Variants in MED13L observed in about 807,000 individuals in gnomAD.
The protein encoded by MED13L is mediator of RNA polymerase II transcription subunit 13-like.
Under a neutral mutation model 220.9 loss-of-function variants are expected in MED13L, and 7 were observed. The ratio of observed to expected loss-of-function variants is 0.03; its 90% CI spans 0.02 to 0.06. The LOEUF (loss-of-function observed/expected upper bound fraction) is 0.06, where lower values mean the gene tolerates loss of function less well. MED13L is among the 10% of genes least tolerant of loss of function. The probability of loss-of-function intolerance (pLI) is 1.00; values close to 1 mark genes in which losing one functional copy is unlikely to be tolerated. For synonymous variants in MED13L, 1,011 were observed against 1,015.2 expected (o/e 1.00, Z 0.08); for missense variants, 1,965 against 2,760.5 (o/e 0.71, Z 6.46).
chr12:115,994,278 T>G (rs1436781196), intron 16 of MED13L, among the ~76,000 whole-genome samples: 1 of 152,018 alleles, frequency 6.6e-6, no homozygotes, highest in Non-Finnish European at 1.5e-5. Context: ...AGACACAAAC[T>G]CTACAACAAA....
chr12:116,146,144 G>A (rs1378331486), intron 2 of MED13L, among the ~76,000 whole-genome samples: 1 of 152,062 alleles, frequency 6.6e-6, no homozygotes, highest in Non-Finnish European at 1.5e-5. Context: ...GTTTTTTTGA[G>A]ATGGAGTCTC....
At chr12:116,112,102 T>C (rs1874138830) in intron 2 of MED13L, among the ~76,000 whole-genome samples, 1 of 152,164 alleles carries the variant, frequency 6.6e-6, no homozygotes, top group South Asian at 2.1e-4. Context: ...AAGTATCTTG[T>C]TTGCCTCTGA....
chr12:116,115,357 G>C (rs560344231), intron 2 of MED13L, among the ~76,000 whole-genome samples: 10 of 152,038 alleles, frequency 6.6e-5, no homozygotes, highest in Non-Finnish European at 8.8e-5. Context: ...CTCAAAATGA[G>C]ATCACAGACC....
intron 2 of MED13L, among the ~76,000 whole-genome samples, chr12:116,179,309 T>C (rs1047346030): frequency 2.0e-5 from 3 of 152,078 alleles, no homozygotes; most frequent in African/African-American, 7.2e-5. Flanking sequence ...CCTTAATTTA[T>C]GTTACAATAT....
intron 2 of MED13L, among the ~76,000 whole-genome samples, chr12:116,158,093 A>G (rs1246968889): frequency 6.6e-6 from 1 of 152,084 alleles, no homozygotes; most frequent in African/African-American, 2.4e-5. Context: ...GCAAGCTGCA[A>G]GGATCCAGAA....
chr12:116,169,638 T>C (rs968062480), intron 2 of MED13L, among the ~76,000 whole-genome samples: 3 of 152,236 alleles, frequency 2.0e-5, no homozygotes, highest in African/African-American at 4.8e-5. Context: ...TTTCAGTTAA[T>C]TGCAGATACC....
At chr12:116,125,237 G>A (rs1360547431) in intron 2 of MED13L, among the ~76,000 whole-genome samples, 1 of 152,228 alleles carries the variant, frequency 6.6e-6, no homozygotes, top group Non-Finnish European at 1.5e-5. Context: ...TCAGGCTGCT[G>A]AGGTGGGAGG....
chr12:116,042,395 T>C (rs1262685550), intron 4 of MED13L, among the ~76,000 whole-genome samples: 1 of 152,242 alleles, frequency 6.6e-6, no homozygotes, highest in East Asian at 1.9e-4. Flanking sequence ...TTCTGTATCT[T>C]GATTCTCAGA....
intron 2 of MED13L, among the ~76,000 whole-genome samples, chr12:116,172,135 G>A (rs1367253414): frequency 1.3e-5 from 2 of 151,968 alleles, no homozygotes; most frequent in African/African-American, 4.8e-5. Flanking sequence ...GATCCACTTA[G>A]GTATATAATC....
Position 116,121,085 on chromosome 12 carries a change from A to C in MED13L, c.311-9573T>G, listed in dbSNP as rs554135021. On this transcript the variant is annotated intron_variant, in intron 2 of 30. Transcript: ENST00000281928. ...TTTTGGCACTAAAGTTATCTCACTT[A>C]AATTATAAAAGCTATAATCAGAATG... 1.2e-4 allele frequency among the ~76,000 whole-genome samples: 18 copies of C among 152,328 alleles called. 1 individual carries two copies. The South Asian group carries it at 3.5e-3, about 30-fold the overall frequency.
At chr12:116,258,701 C>T (rs921197333) in intron 1 of MED13L, among the ~76,000 whole-genome samples, 1 of 149,888 alleles carries the variant, frequency 6.7e-6, no homozygotes, top group African/African-American at 2.5e-5. Flanking sequence ...CACTTGAACC[C>T]GGGAGGCAGA....
rs762841133 is a variant in MED13L at position 115,969,018 on chromosome 12, G to A, written c.6147C>T (p.Ser2049=). Residue 2049 remains serine, a synonymous_variant, in exon 28 of 31, where the codon TCC becomes TCT. Coordinates refer to ENST00000281928, the MANE Select transcript of MED13L (RefSeq NM_015335.5). ...IGILMTGNLH[S]SPNSSPVPSP... ...AGGGTACTGGGGAAGAGTTGGGAGA[G>A]GAATGGAGGTTCCCAGTCATTAATA... 3 of 1,613,934 alleles carry A rather than the reference G, an allele frequency of 1.9e-6. No individual in the cohort carries two copies. Among genetic ancestry groups the A allele is most frequent in the Non-Finnish European group, 2.5e-6 (3 of 1,179,882 alleles).
chr12:116,077,338 A>AT (rs1482220492), intron 4 of MED13L, among the ~76,000 whole-genome samples: 1 of 152,164 alleles, frequency 6.6e-6, no homozygotes, highest in Non-Finnish European at 1.5e-5. Context: ...AAGCAAGATC[A>AT]TTTTTCTTTG....
intron 4 of MED13L, among the ~76,000 whole-genome samples, chr12:116,070,808 AATC>A (rs1454097373): frequency 4.6e-5 from 7 of 152,204 alleles, no homozygotes; most frequent in Non-Finnish European, 5.9e-5. Flanking sequence ...ATTTAGAAGA[AATC>A]ATCAACATAC....
chr12:116,047,304 C>T lies in MED13L; in HGVS notation c.480-24703G>A, dbSNP rs531290276. Among the ~76,000 whole-genome samples the T allele has an allele frequency of 1.2e-4, 19 of 152,098 alleles. No individual in the cohort carries two copies. In the South Asian group the frequency reaches 3.5e-3, roughly 28 times the overall value. ...AAAAGGTCAAGGCAACAGTGAGCCACGACTGCCACTGGACCCCAGCCTGGG... is the reference window on the plus strand; with the variant it reads ...AAAAGGTCAAGGCAACAGTGAGCCATGACTGCCACTGGACCCCAGCCTGGG... On this transcript the variant is annotated intron_variant, in intron 4 of 30. Coordinates refer to ENST00000281928, the MANE Select transcript of MED13L (RefSeq NM_015335.5).
At chr12:116,183,125 CA>C (rs1880640821) in intron 2 of MED13L, among the ~76,000 whole-genome samples, 2 of 152,164 alleles carry the variant, frequency 1.3e-5, no homozygotes, top group Non-Finnish European at 2.9e-5. Flanking sequence ...TTAAAAGGAT[CA>C]GAGAGAAATT....
rs1566020902 is a variant in MED13L at position 116,031,756 on chromosome 12, A to AAAAGAAAAGAAAAGAAAAG, written c.480-9156_480-9155insCTTTTCTTTTCTTTTCTTT. ...AAAAGAAAAGAAAAGAAAAGAAAAG[A>AAAAGAAAAGAAAAGAAAAG]AAAGAAGGAAGGAAGGAAGGAAGGA... On this transcript the variant is annotated intron_variant, in intron 4 of 30. Transcript: ENST00000281928. Among the ~76,000 whole-genome samples the AAAAGAAAAGAAAAGAAAAG allele has an allele frequency of 4.6e-4, 10 of 21,808 alleles. 1 individual carries two copies. The highest frequency in any genetic ancestry group is 3.6e-3 in the South Asian group (2 of 562). 14.3% of individuals were successfully genotyped at this position (21,808 alleles called of 152,430 possible). A position where few individuals can be genotyped will look rare whatever the true frequency, so the allele number is the denominator to read the frequency against.
chr12:116,084,781 A>G (rs1593025184), intron 4 of MED13L, among the ~76,000 whole-genome samples: 2 of 152,002 alleles, frequency 1.3e-5, no homozygotes, highest in African/African-American at 4.8e-5. Context: ...CGCCAAAAAA[A>G]AAAAAAAAGA....
At chr12:116,095,381 T>C (rs1872563771) in intron 4 of MED13L, among the ~76,000 whole-genome samples, 1 of 152,212 alleles carries the variant, frequency 6.6e-6, no homozygotes, top group African/African-American at 2.4e-5. Flanking sequence ...TTATGGTGAT[T>C]TGACAAAGAA....
Sources: allele counts gnomAD v4.1 joint callset (sites outside exome capture counted in the v4.1 genomes callset), GRCh38; gene constraint gnomAD v4.1.1; transcripts MANE v1.5; gene names NCBI Gene and HGNC (gene_info 2026-07-23, HGNC 2026-07-21).